The following ROBO1 variants were observed in gnomAD, a reference collection of about 807,000 sequenced individuals.
The protein encoded by ROBO1 is roundabout guidance receptor 1.
Under a neutral mutation model 195.9 loss-of-function variants are expected in ROBO1, and 149 were observed. The observed-to-expected ratio is 0.76, with a 90% confidence interval of 0.67 to 0.87. ROBO1 has a LOEUF of 0.87. Ranked by LOEUF, ROBO1 falls within the 40% of genes least tolerant of loss-of-function variation. The pLI, the probability that ROBO1 is intolerant of heterozygous loss-of-function variation, is 0.00. For missense variants in ROBO1, 1,933 were observed against 2,068.3 expected, an observed-to-expected ratio of 0.93 and a Z score of 1.27; for synonymous variants, 816 against 733.2, an observed-to-expected ratio of 1.11 and a Z score of -1.82.
intron 1 of ROBO1, among the ~76,000 whole-genome samples, chr3:79,606,486 C>T (rs1242486260): frequency 6.6e-6 from 1 of 151,922 alleles, no homozygotes; most frequent in African/African-American, 2.4e-5. Context: ...CTTCCCTGCC[C>T]AGGCTGGACT....
intron 2 of ROBO1, among the ~76,000 whole-genome samples, chr3:79,502,963 A>T (rs1288414249): frequency 6.6e-6 from 1 of 152,128 alleles, no homozygotes; most frequent in African/African-American, 2.4e-5. Flanking sequence ...AGCTCTCTGT[A>T]AAATGGACCA....
intron 3 of ROBO1, among the ~76,000 whole-genome samples, chr3:79,038,873 G>A (rs2078430132): frequency 6.6e-6 from 1 of 152,098 alleles, no homozygotes; most frequent in African/African-American, 2.4e-5. Context: ...AGACTCACAA[G>A]CACATGCCCA....
intron 1 of ROBO1, among the ~76,000 whole-genome samples, chr3:79,652,954 T>C (rs371614527): frequency 6.6e-6 from 1 of 151,982 alleles, no homozygotes; most frequent in Non-Finnish European, 1.5e-5. Context: ...TCTTTGAACA[T>C]AGTAACCTAA....
At chr3:78,800,636 A>C (rs1412707245) in intron 4 of ROBO1, among the ~76,000 whole-genome samples, 1 of 152,128 alleles carries the variant, frequency 6.6e-6, no homozygotes, top group Admixed American at 6.5e-5. Context: ...GGCTCACTGC[A>C]ACCTCCGCCA....
Position 78,820,462 on chromosome 3 carries a change from C to T in ROBO1, c.500-73562G>A, listed in dbSNP as rs35370040. Among the ~76,000 whole-genome samples the T allele has an allele frequency of 7.2e-3, 1,089 of 152,130 alleles. 9 individuals are homozygous for T. Among genetic ancestry groups the T allele is most frequent in the African/African-American group, 0.025 (1,035 of 41,482 alleles). ...AAAGCCAAATTTGTACTAATGTTAACGTAGGTAGAACAAATGCTTGTTAAA... is the reference window on the plus strand; with the variant it reads ...AAAGCCAAATTTGTACTAATGTTAATGTAGGTAGAACAAATGCTTGTTAAA... On this transcript the variant is annotated intron_variant, in intron 4 of 30. Coordinates refer to ENST00000464233, the MANE Select transcript of ROBO1 (RefSeq NM_002941.4).
intron 2 of ROBO1, among the ~76,000 whole-genome samples, chr3:79,525,547 T>C (rs1331036945): frequency 2.0e-5 from 3 of 147,444 alleles, no homozygotes; most frequent in Non-Finnish European, 4.5e-5. Flanking sequence ...CAGATATATA[T>C]ATATATATAA....
intron 2 of ROBO1, among the ~76,000 whole-genome samples, chr3:79,224,284 A>T (rs1327558341): frequency 1.3e-5 from 2 of 152,240 alleles, no homozygotes; most frequent in Non-Finnish European, 2.9e-5. Context: ...GAAGTTAAGA[A>T]TAGTGAAATA....
intron 27 of ROBO1, 57 bp downstream of exon 27, chr3:78,617,578 C>T (rs919776375): frequency 1.1e-5 from 16 of 1,500,116 alleles, no homozygotes; most frequent in Non-Finnish European, 1.3e-5. Context: ...GAATCAGCAA[C>T]AAACATATAT....
chr3:78,658,377 A>T (rs559674390), intron 17 of ROBO1, among the ~76,000 whole-genome samples: 32 of 152,008 alleles, frequency 2.1e-4, no homozygotes, highest in Non-Finnish European at 2.9e-4. Flanking sequence ...TGCAGCCTCC[A>T]CCTCCCGGGT....
chr3:79,733,274 C>A (rs1703232696), intron 1 of ROBO1, among the ~76,000 whole-genome samples: 1 of 152,154 alleles, frequency 6.6e-6, no homozygotes, highest in Non-Finnish European at 1.5e-5. Context: ...TCCCATTAAC[C>A]ATACAGTTAG....
Position 78,962,023 on chromosome 3 carries a change from C to T in ROBO1, c.173-23096G>A, listed in dbSNP as rs1484249055. 2.6e-5 allele frequency among the ~76,000 whole-genome samples: 4 copies of T among 151,638 alleles called. No homozygotes were observed. The East Asian group carries it at 7.7e-4, about 29-fold the overall frequency. On this transcript the variant is annotated intron_variant, in intron 3 of 30. Transcript: ENST00000464233. ...ATGAGGTTAATATAGCATGTTAAAG[C>T]TGGAAAAAGAACAGATAAATTCGTC...
At chr3:79,458,671 T>C (rs1387538608) in intron 2 of ROBO1, among the ~76,000 whole-genome samples, 1 of 151,318 alleles carries the variant, frequency 6.6e-6, no homozygotes, top group Middle Eastern at 3.4e-3. Flanking sequence ...AAAACAAAGA[T>C]AGAAATATTA....
chr3:78,960,807 C>A (rs1233756527), intron 3 of ROBO1, among the ~76,000 whole-genome samples: 1 of 151,164 alleles, frequency 6.6e-6, no homozygotes, highest in Non-Finnish European at 1.5e-5. Context: ...CACACACACA[C>A]ACACACACAC....
intron 1 of ROBO1, among the ~76,000 whole-genome samples, chr3:79,654,579 C>G (rs1329677554): frequency 6.6e-6 from 1 of 152,012 alleles, no homozygotes; most frequent in Non-Finnish European, 1.5e-5. Context: ...ATTAAAAACA[C>G]AACTTTAGTT....
chr3:78,675,074 G>A (rs889588389), intron 10 of ROBO1, among the ~76,000 whole-genome samples: 32 of 152,016 alleles, frequency 2.1e-4, no homozygotes, highest in African/African-American at 7.2e-4. Flanking sequence ...AAGAGTTTGA[G>A]CTTTTGAGAG....
chr3:78,717,418 A>C lies in ROBO1; in HGVS notation c.779-5T>G. ...TCTTCACAAATGATGGTCTCTCTAA[A>C]ATTAAAAAGAGTCATCTTAAGGTAA... On this transcript the variant is annotated splice_polypyrimidine_tract_variant and splice_region_variant and intron_variant, in intron 6 of 30. Transcript: ENST00000464233. 2.5e-6 allele frequency: 4 copies of C among 1,613,308 alleles called. No homozygotes were observed. Among genetic ancestry groups the C allele is most frequent in the Non-Finnish European group, 2.5e-6 (3 of 1,179,342 alleles).
At chr3:79,211,299 A>G (rs985800538) in intron 2 of ROBO1, among the ~76,000 whole-genome samples, 14 of 152,104 alleles carry the variant, frequency 9.2e-5, no homozygotes, top group Admixed American at 9.2e-4. Context: ...ACTTGAATAT[A>G]TATTGGTTGC....
chr3:79,695,493 T>C (rs1947417870), intron 1 of ROBO1, among the ~76,000 whole-genome samples: 1 of 151,578 alleles, frequency 6.6e-6, no homozygotes, highest in Non-Finnish European at 1.5e-5. Context: ...ATTGAGACTG[T>C]GGTGCTTTTT....
intron 4 of ROBO1, among the ~76,000 whole-genome samples, chr3:78,900,694 G>C (rs2037531928): frequency 6.6e-6 from 1 of 151,896 alleles, no homozygotes; most frequent in Non-Finnish European, 1.5e-5. Flanking sequence ...GTTCAGCTAT[G>C]ATTTTTGAAT....
Sources: gnomAD v4.1 joint callset for allele counts (sites outside exome capture counted in the v4.1 genomes callset) on GRCh38, gnomAD v4.1.1 for gene constraint, MANE v1.5 for transcripts, NCBI Gene and HGNC (gene_info 2026-07-23, HGNC 2026-07-21) for gene names.